The following S100A13 variants were observed in gnomAD, a reference collection of about 807,000 sequenced individuals.
S100A13 encodes the protein protein S100-A13.
A neutral mutation model predicts 8.2 loss-of-function variants in S100A13; 6 were observed. The ratio of observed to expected loss-of-function variants is 0.73; its 90% CI spans 0.40 to 1.44. The LOEUF is 1.44. S100A13 is among the 40% of genes most tolerant of loss of function. The probability of loss-of-function intolerance (pLI) is 0.02; values close to 1 mark genes in which losing one functional copy is unlikely to be tolerated. For synonymous variants in S100A13, 39 were observed against 45.9 expected (o/e 0.85, Z 0.61); for missense variants, 114 against 113.6 (o/e 1.00, Z -0.02).
intron 2 of S100A13, among the ~76,000 whole-genome samples, chr1:153,623,352 A>T (rs1423936573): frequency 1.3e-5 from 2 of 151,606 alleles, no homozygotes; most frequent in Non-Finnish European, 2.9e-5. Flanking sequence ...GAGGGAGCAC[A>T]TACAAGTTTC....
At chr1:153,633,509 T>G, upstream of S100A13, among the ~76,000 whole-genome samples, 1 of 151,458 alleles carries the variant, frequency 6.6e-6, no homozygotes, top group South Asian at 2.1e-4. Flanking sequence ...CTAGGCCAAG[T>G]TGGGGAGGGG....
chr1:153,626,606 T>C, intron 1 of S100A13, 73 bp from the exon 2 acceptor site: 2 of 829,620 alleles, frequency 2.4e-6, no homozygotes, highest in Non-Finnish European at 3.8e-6. Context: ...AGAAGGTCCC[T>C]GCCTTGGTGT....
upstream of S100A13, chr1:153,628,310 AG>A: frequency 1.3e-6 from 2 of 1,510,002 alleles, no homozygotes; most frequent in Non-Finnish European, 1.8e-6. Flanking sequence ...CAGGAGACAG[AG>A]GGCGCCTCTG....
At chr1:153,628,706 G>C (rs1055731458), upstream of S100A13, 10 of 855,278 alleles carry the variant, frequency 1.2e-5, no homozygotes, top group Admixed American at 3.0e-5. Context: ...GTCGGAGAGA[G>C]AGCTGGCAGC....
chr1:153,631,475 A>C, upstream of S100A13: 1 of 1,595,008 alleles, frequency 6.3e-7, no homozygotes, highest in South Asian at 1.1e-5. Flanking sequence ...GGCACTGAAC[A>C]TACGGTAACT....
chr1:153,628,614 G>A, upstream of S100A13: 1 of 1,456,052 alleles, frequency 6.9e-7, no homozygotes, highest in East Asian at 2.5e-5. Context: ...GGATCTGGGA[G>A]GAGTCAGTCA....
upstream of S100A13, chr1:153,628,053 G>T (rs1404532471): frequency 2.6e-6 from 4 of 1,550,288 alleles, no homozygotes; most frequent in East Asian, 7.3e-5. Context: ...TCTCACTGAG[G>T]GTCCTCTCAG....
At chr1:153,623,646 G>C (rs1382626127) in intron 2 of S100A13, among the ~76,000 whole-genome samples, 1 of 152,160 alleles carries the variant, frequency 6.6e-6, no homozygotes, top group Non-Finnish European at 1.5e-5. Flanking sequence ...AACTTCTCAG[G>C]AAAAGGGAGA....
upstream of S100A13, chr1:153,631,201 G>T (rs1667992560): frequency 6.5e-6 from 3 of 464,480 alleles, no homozygotes; most frequent in Non-Finnish European, 1.2e-5. Flanking sequence ...AAACTAGGCT[G>T]CTAAGGCTAA....
chr1:153,631,520 G>C, upstream of S100A13: 2 of 1,613,472 alleles, frequency 1.2e-6, no homozygotes, highest in Non-Finnish European at 1.7e-6. Flanking sequence ...AGGTGAAAGA[G>C]CTTATGCTGT....
chr1:153,626,090 C>A (rs1362482957), intron 2 of S100A13, among the ~76,000 whole-genome samples: 2 of 152,208 alleles, frequency 1.3e-5, no homozygotes, highest in Non-Finnish European at 2.9e-5. Context: ...ATCACTTGAA[C>A]CCCGGAGATG....
intron 2 of S100A13, among the ~76,000 whole-genome samples, chr1:153,623,041 A>C (rs1667371103): frequency 6.6e-6 from 1 of 152,110 alleles, no homozygotes; most frequent in African/African-American, 2.4e-5. Flanking sequence ...AGTGAACTGT[A>C]ATCACGCCAT....
chr1:153,626,597 G>C (rs949372686), intron 1 of S100A13, 64 bp from the exon 2 acceptor site: 1 of 916,878 alleles, frequency 1.1e-6, no homozygotes, highest in Non-Finnish European at 1.7e-6. Context: ...GAATGGTTCA[G>C]AAGGTCCCTG....
upstream of S100A13, chr1:153,628,230 A>G: frequency 6.5e-7 from 1 of 1,544,320 alleles, no homozygotes; most frequent in Non-Finnish European, 8.7e-7. Context: ...TGCACCATCC[A>G]CTGCTGCCTG....
upstream of S100A13, among the ~76,000 whole-genome samples, chr1:153,632,543 T>C (rs1380499851): frequency 1.3e-5 from 2 of 152,106 alleles, no homozygotes; most frequent in Non-Finnish European, 2.9e-5. Context: ...AGTGCTGAGA[T>C]TACAGGCATG....
intron 2 of S100A13, among the ~76,000 whole-genome samples, chr1:153,619,955 T>A (rs557269672): frequency 6.6e-6 from 1 of 151,946 alleles, no homozygotes; most frequent in Admixed American, 6.6e-5. Flanking sequence ...ATATTGGGGG[T>A]GCATTCAATC....
At chr1:153,630,181 C>A, upstream of S100A13, 1 of 428,934 alleles carries the variant, frequency 2.3e-6, no homozygotes, top group Non-Finnish European at 4.1e-6. Flanking sequence ...CTGCCCCACC[C>A]TCCTCAATCC....
chr1:153,631,125 A>T (rs1437445135), upstream of S100A13: 1 of 310,492 alleles, frequency 3.2e-6, no homozygotes, highest in East Asian at 6.4e-5. Flanking sequence ...AATGAACAAA[A>T]GCATGGGAGA....
upstream of S100A13, chr1:153,634,167 G>A (rs921954207): frequency 6.5e-6 from 1 of 152,840 alleles, no homozygotes; most frequent in African/African-American, 2.4e-5. Context: ...CGGCCGACTA[G>A]ACAGCCAACC....
Sources: allele counts gnomAD v4.1 joint callset (sites outside exome capture counted in the v4.1 genomes callset), GRCh38; gene constraint gnomAD v4.1.1; transcripts MANE v1.5; gene names NCBI Gene and HGNC (gene_info 2026-07-23, HGNC 2026-07-21).